ANXA8: variants seen among roughly 807,000 people sequenced by gnomAD.
The protein encoded by ANXA8 is annexin A8.
ANXA8 carries 9 observed loss-of-function variants against 26.8 expected under a neutral mutation model. That is an observed-to-expected ratio of 0.34 (90% CI 0.20 to 0.59). The LOEUF is 0.59. Ranked by LOEUF, ANXA8 falls within the 20% of genes least tolerant of loss-of-function variation. The pLI is 0.84. For missense variants in ANXA8, 83 were observed against 238.5 expected, an observed-to-expected ratio of 0.35 and a Z score of 4.29; for synonymous variants, 39 against 94.8, an observed-to-expected ratio of 0.41 and a Z score of 3.42.
At chr10:47,590,148 G>A in the ANXA8 span, 1 of 146,586 alleles carries the variant, frequency 6.8e-6, no homozygotes, top group Non-Finnish European at 1.5e-5. Flanking sequence ...CCTGAGCAAA[G>A]GGAGATACTG....
the ANXA8 span, among the ~76,000 whole-genome samples, chr10:47,658,855 T>TTTATTTAC: frequency 1.7e-5 from 2 of 114,316 alleles, no homozygotes; most frequent in Non-Finnish European, 3.3e-5. Context: ...TTATTATTTA[T>TTTATTTAC]TTATTTATTT....
chr10:47,768,934 G>A, the ANXA8 span, among the ~76,000 whole-genome samples: 1 of 149,608 alleles, frequency 6.7e-6, no homozygotes, highest in Non-Finnish European at 1.5e-5. Flanking sequence ...ATGGGGAATT[G>A]TCACTGACAT....
the ANXA8 span, among the ~76,000 whole-genome samples, chr10:47,895,004 TACCACACAACACGCACAC>T: frequency 6.7e-6 from 1 of 149,144 alleles, no homozygotes; most frequent in Non-Finnish European, 1.5e-5. Context: ...ACGTCACACA[TACCACACAACACGCACAC>T]ATCCACACAA....
the ANXA8 span, among the ~76,000 whole-genome samples, chr10:47,946,980 C>T: frequency 6.0e-5 from 9 of 150,334 alleles, no homozygotes; most frequent in Non-Finnish European, 8.8e-5. Context: ...CATGAGCCAC[C>T]GAGCCTGGCC....
chr10:47,551,175 T>C, the ANXA8 span, among the ~76,000 whole-genome samples: 15 of 151,912 alleles, frequency 9.9e-5, no homozygotes, highest in African/African-American at 1.5e-4. Context: ...ACTGAGGCAG[T>C]GCATCATAAC....
the ANXA8 span, among the ~76,000 whole-genome samples, chr10:47,647,217 T>G: frequency 3.3e-5 from 5 of 152,188 alleles, no homozygotes. Flanking sequence ...TCAATTTGTA[T>G]AGGACTCTTG....
chr10:47,558,132 A>G, the ANXA8 span, among the ~76,000 whole-genome samples: 2 of 151,982 alleles, frequency 1.3e-5, no homozygotes, highest in South Asian at 4.1e-4. Context: ...AACATAAAAT[A>G]ACTGTTTAGT....
the ANXA8 span, chr10:47,986,082 T>G: frequency 6.6e-6 from 1 of 150,994 alleles, no homozygotes; most frequent in East Asian, 1.9e-4. Context: ...TAGATATGAG[T>G]TTTCACCTCT....
At chr10:47,650,207 A>G in the ANXA8 span, among the ~76,000 whole-genome samples, 3 of 127,880 alleles carry the variant, frequency 2.3e-5, no homozygotes, top group African/African-American at 8.3e-5. Flanking sequence ...GTCTGTCTCA[A>G]AAAAAAAAAA....
At chr10:47,945,565 C>T in the ANXA8 span, among the ~76,000 whole-genome samples, 3 of 147,410 alleles carry the variant, frequency 2.0e-5, no homozygotes, top group Non-Finnish European at 3.0e-5. Context: ...AGTTCCCCTC[C>T]CTCTGGTCCC....
the ANXA8 span, among the ~76,000 whole-genome samples, chr10:47,895,088 C>T: frequency 6.6e-6 from 1 of 151,990 alleles, no homozygotes; most frequent in South Asian, 2.1e-4. Context: ...ACACATACCC[C>T]ACATGATATA....
chr10:47,507,637 C>G, the ANXA8 span: 3 of 1,526,394 alleles, frequency 2.0e-6, 1 homozygote, highest in Non-Finnish European at 2.6e-6. Flanking sequence ...GTTAGGCCTG[C>G]AGACATTTTT....
At chr10:47,982,194 G>A in the ANXA8 span, among the ~76,000 whole-genome samples, 4 of 150,452 alleles carry the variant, frequency 2.7e-5, no homozygotes, top group Non-Finnish European at 5.9e-5. Flanking sequence ...GGAGGCCGAG[G>A]TGGGAGGATC....
chr10:47,949,641 A>G, the ANXA8 span, among the ~76,000 whole-genome samples: 1 of 150,760 alleles, frequency 6.6e-6, no homozygotes, highest in Non-Finnish European at 1.5e-5. Flanking sequence ...GAGGAAACAG[A>G]AGTATATGGT....
At chr10:47,650,333 C>T in the ANXA8 span, among the ~76,000 whole-genome samples, 1 of 145,352 alleles carries the variant, frequency 6.9e-6, no homozygotes, top group African/African-American at 2.5e-5. Context: ...AGGTGTGAGC[C>T]ACTGCACCTG....
At chr10:47,681,929 G>A in the ANXA8 span, among the ~76,000 whole-genome samples, 1 of 123,318 alleles carries the variant, frequency 8.1e-6, no homozygotes, top group Admixed American at 8.9e-5. Context: ...TCGACCTTAG[G>A]CGTGACATTG....
chr10:47,659,332 G>A, the ANXA8 span, among the ~76,000 whole-genome samples: 19 of 151,860 alleles, frequency 1.3e-4, no homozygotes, highest in South Asian at 3.9e-3. Context: ...ATTCAAGAGA[G>A]AATATTAATG....
the ANXA8 span, among the ~76,000 whole-genome samples, chr10:47,716,449 A>G: frequency 8.2e-6 from 1 of 121,622 alleles, no homozygotes; most frequent in South Asian, 2.4e-4. Context: ...AAATGTTACT[A>G]GTTGGGTTAA....
chr10:47,702,292 T>C, the ANXA8 span, among the ~76,000 whole-genome samples: 1 of 151,344 alleles, frequency 6.6e-6, no homozygotes, highest in Non-Finnish European at 1.5e-5. Context: ...CCAGTAATAA[T>C]GAGCATACCT....
Sources: allele counts gnomAD v4.1 joint callset (sites outside exome capture counted in the v4.1 genomes callset), GRCh38; gene constraint gnomAD v4.1.1; transcripts MANE v1.5; gene names NCBI Gene and HGNC (gene_info 2026-07-23, HGNC 2026-07-21).